ZC3H12B: variants seen among roughly 807,000 people sequenced by gnomAD.
The protein encoded by ZC3H12B is probable ribonuclease ZC3H12B.
ZC3H12B carries 7 observed loss-of-function variants against 43.9 expected under a neutral mutation model. The observed-to-expected ratio is 0.16, with a 90% CI of 0.09 to 0.30. The LOEUF (loss-of-function observed/expected upper bound fraction) is 0.30. Ranked by LOEUF, ZC3H12B falls within the 10% of genes least tolerant of loss-of-function variation. The pLI, the probability that ZC3H12B is intolerant of heterozygous loss-of-function variation, is 1.00. For missense variants in ZC3H12B, 475 were observed against 670.2 expected (o/e 0.71, Z 3.22); for synonymous variants, 222 against 241.7 (o/e 0.92, Z 0.76).
chrX:65,327,574 A>T, the ZC3H12B span, among the ~76,000 whole-genome samples: 2 of 111,618 alleles, frequency 1.8e-5, no homozygotes, highest in African/African-American at 6.5e-5. Context: ...TAAAAAAAGA[A>T]GCACAAATGA....
chrX:65,440,695 A>G (rs1220917609), intron 3 of ZC3H12B, among the ~76,000 whole-genome samples: 5 of 112,534 alleles, frequency 4.4e-5, no homozygotes, highest in African/African-American at 1.6e-4. Context: ...TTTTGGAATT[A>G]TAGCAGGAGA....
At chrX:65,183,776 C>T in the ZC3H12B span, among the ~76,000 whole-genome samples, 1 of 111,186 alleles carries the variant, frequency 9.0e-6, no homozygotes, top group Non-Finnish European at 1.9e-5. Flanking sequence ...TTGTTGAGTC[C>T]TTGGTGTCTG....
At chrX:65,405,040 A>G (rs1022197670) in intron 3 of ZC3H12B, among the ~76,000 whole-genome samples, 1 of 112,455 alleles carries the variant, frequency 8.9e-6, no homozygotes, top group Non-Finnish European at 1.9e-5. Flanking sequence ...GAAATTAATG[A>G]TAAGATAAAT....
the ZC3H12B span, among the ~76,000 whole-genome samples, chrX:65,203,796 C>G: frequency 9.0e-6 from 1 of 111,650 alleles, no homozygotes; most frequent in Non-Finnish European, 1.9e-5. Context: ...CAGCACAGCA[C>G]CAGGACTTGC....
the ZC3H12B span, among the ~76,000 whole-genome samples, chrX:65,052,326 A>G: frequency 4.5e-5 from 5 of 111,404 alleles, no homozygotes; most frequent in Non-Finnish European, 9.4e-5. Context: ...AAGCAATACA[A>G]TTCCACTCTT....
chrX:65,369,590 GT>G (rs772908808), intron 2 of ZC3H12B, among the ~76,000 whole-genome samples: 32 of 111,390 alleles, frequency 2.9e-4, no homozygotes, highest in South Asian at 7.4e-4. Flanking sequence ...TTGGAGGAAA[GT>G]TTTTCACGTG....
the ZC3H12B span, among the ~76,000 whole-genome samples, chrX:65,211,071 A>T: frequency 2.9e-5 from 2 of 69,976 alleles, no homozygotes; most frequent in African/African-American, 2.2e-4. Context: ...AGAGTATAAT[A>T]AAAAAAAAAA....
At chrX:65,037,486 C>T in the ZC3H12B span, among the ~76,000 whole-genome samples, 1 of 112,138 alleles carries the variant, frequency 8.9e-6, no homozygotes, top group African/African-American at 3.2e-5. Flanking sequence ...TGATAAACTA[C>T]ATACTAAATT....
the ZC3H12B span, among the ~76,000 whole-genome samples, chrX:65,213,872 G>T: frequency 9.6e-6 from 1 of 104,547 alleles, no homozygotes. Flanking sequence ...ATCATTTGAA[G>T]GCAACGTAAA....
At chrX:65,164,004 G>C in the ZC3H12B span, among the ~76,000 whole-genome samples, 1 of 111,842 alleles carries the variant, frequency 8.9e-6, no homozygotes. Context: ...AAAACTACCT[G>C]TCGTTATAGC....
chrX:65,437,888 A>G (rs2067240707), intron 3 of ZC3H12B, among the ~76,000 whole-genome samples: 1 of 112,414 alleles, frequency 8.9e-6, no homozygotes, highest in Non-Finnish European at 1.9e-5. Context: ...GAGGTCTTAT[A>G]TTTAAGTCTT....
the ZC3H12B span, among the ~76,000 whole-genome samples, chrX:65,038,618 T>C: frequency 1.8e-5 from 2 of 111,330 alleles, no homozygotes; most frequent in African/African-American, 6.5e-5. Flanking sequence ...AATTACCTCG[T>C]ATGTCAAATT....
the ZC3H12B span, among the ~76,000 whole-genome samples, chrX:65,197,203 C>A: frequency 8.9e-6 from 1 of 111,825 alleles, no homozygotes; most frequent in South Asian, 3.7e-4. Context: ...GCAACAGCCA[C>A]CTGGCGGCTG....
At chrX:65,203,162 T>C in the ZC3H12B span, among the ~76,000 whole-genome samples, 4 of 112,058 alleles carry the variant, frequency 3.6e-5, no homozygotes, top group Admixed American at 3.8e-4. Context: ...CCTCAGGGCA[T>C]GCCAGAAATG....
the ZC3H12B span, among the ~76,000 whole-genome samples, chrX:65,280,158 A>G: frequency 8.9e-6 from 1 of 112,233 alleles, no homozygotes; most frequent in African/African-American, 3.2e-5. Context: ...TCCTCAAAAT[A>G]TTACTATGAA....
At chrX:65,441,914 C>T (rs188396278) in intron 3 of ZC3H12B, among the ~76,000 whole-genome samples, 142 of 109,875 alleles carry the variant, frequency 1.3e-3, no homozygotes, top group Non-Finnish European at 1.8e-3. Context: ...TGGCGTTTCC[C>T]GAAATCGGAT....
the ZC3H12B span, among the ~76,000 whole-genome samples, chrX:65,116,530 C>T: frequency 1.9e-4 from 21 of 109,896 alleles, no homozygotes; most frequent in East Asian, 8.7e-4. Flanking sequence ...TGGGTATGCA[C>T]GCTCTTTTCT....
chrX:65,086,959 G>T, the ZC3H12B span, among the ~76,000 whole-genome samples: 6 of 110,014 alleles, frequency 5.5e-5, no homozygotes, highest in Non-Finnish European at 7.6e-5. Context: ...CTCTGCTTGG[G>T]CTCTAATACC....
At chrX:65,439,868 C>T (rs972696614) in intron 3 of ZC3H12B, among the ~76,000 whole-genome samples, 1 of 110,081 alleles carries the variant, frequency 9.1e-6, no homozygotes, top group African/African-American at 3.3e-5. Context: ...CTCAACATGG[C>T]TGCAACTGGG....
Sources: allele counts gnomAD v4.1 joint callset (sites outside exome capture counted in the v4.1 genomes callset), GRCh38; gene constraint gnomAD v4.1.1; transcripts MANE v1.5; gene names NCBI Gene and HGNC (gene_info 2026-07-23, HGNC 2026-07-21).